EYS: variants seen among roughly 807,000 people sequenced by gnomAD.
EYS encodes protein eyes shut homolog.
A neutral mutation model predicts 282.1 loss-of-function variants in EYS; 250 were observed. That is an observed-to-expected ratio of 0.89 (90% CI 0.80 to 0.98). The LOEUF (loss-of-function observed/expected upper bound fraction) is 0.98, where lower values mean the gene tolerates loss of function less well. Among genes scored for constraint, EYS ranks in the 50% least tolerant of loss-of-function variants. The probability of loss-of-function intolerance (pLI) is 0.00; values close to 1 mark genes in which losing one functional copy is unlikely to be tolerated. For synonymous variants in EYS, 1,355 were observed against 1,282.9 expected (o/e 1.06, Z -1.20); for missense variants, 4,016 against 3,709.0 (o/e 1.08, Z -2.15).
intron 29 of EYS, among the ~76,000 whole-genome samples, chr6:64,324,155 C>T (rs1053404149): frequency 1.3e-5 from 2 of 152,058 alleles, no homozygotes; most frequent in Admixed American, 6.6e-5. Flanking sequence ...AGCCTAATAC[C>T]AAAATCTGGC....
chr6:65,042,634 G>T (rs1583427654), intron 13 of EYS, among the ~76,000 whole-genome samples: 2 of 151,114 alleles, frequency 1.3e-5, no homozygotes, highest in East Asian at 3.9e-4. Flanking sequence ...TGTCATATTT[G>T]TTATGTTTAT....
At chr6:65,026,177 A>G (rs1251680596) in intron 13 of EYS, among the ~76,000 whole-genome samples, 1 of 152,154 alleles carries the variant, frequency 6.6e-6, no homozygotes, top group East Asian at 1.9e-4. Context: ...CTAATATGAC[A>G]TGGTTTATAT....
chr6:65,214,673 T>C (rs1766267440), intron 12 of EYS, among the ~76,000 whole-genome samples: 1 of 152,178 alleles, frequency 6.6e-6, no homozygotes, highest in African/African-American at 2.4e-5. Context: ...AAGCCTTATA[T>C]TGGAAAAAGA....
intron 40 of EYS, among the ~76,000 whole-genome samples, chr6:63,769,983 C>A (rs1262113624): frequency 2.0e-5 from 3 of 151,946 alleles, no homozygotes; most frequent in Non-Finnish European, 4.4e-5. Context: ...CATTGTACTT[C>A]GTTACCAAGG....
At chr6:64,388,874 T>C in intron 28 of EYS, 34 bp from the exon 29 acceptor site, 2 of 1,363,064 alleles carry the variant, frequency 1.5e-6, no homozygotes, top group Non-Finnish European at 2.0e-6. Context: ...GGTTTTAGTA[T>C]AAGTCATATA....
chr6:64,203,465 A>C (rs1765524442), intron 31 of EYS, among the ~76,000 whole-genome samples: 1 of 152,144 alleles, frequency 6.6e-6, no homozygotes, highest in Non-Finnish European at 1.5e-5. Context: ...AGGTCAAGGG[A>C]AGCTTTTGTT....
chr6:65,570,622 T>G (rs2127352111), intron 2 of EYS, among the ~76,000 whole-genome samples: 1 of 152,280 alleles, frequency 6.6e-6, no homozygotes, highest in Non-Finnish European at 1.5e-5. Flanking sequence ...TAGGTTCCAC[T>G]AAGTGAATCT....
chr6:65,336,010 T>C (rs1052170855), intron 10 of EYS, among the ~76,000 whole-genome samples: 19 of 151,636 alleles, frequency 1.3e-4, no homozygotes, highest in African/African-American at 2.2e-4. Context: ...ACCTCTCCCT[T>C]TACTCTCTCT....
chr6:65,533,979 T>C (rs1767877616), intron 2 of EYS, among the ~76,000 whole-genome samples: 1 of 152,134 alleles, frequency 6.6e-6, no homozygotes, highest in Admixed American at 6.6e-5. Flanking sequence ...CCTAATTTTT[T>C]TTTTTGTCTT....
At chr6:65,347,482 GTC>G (rs1467220385) in intron 9 of EYS, among the ~76,000 whole-genome samples, 1 of 151,146 alleles carries the variant, frequency 6.6e-6, no homozygotes, top group African/African-American at 2.4e-5. Context: ...ATTTTTACTT[GTC>G]TTGTAGTGAA....
chr6:65,096,084 C>A (rs1369440265), intron 12 of EYS, among the ~76,000 whole-genome samples: 1 of 150,808 alleles, frequency 6.6e-6, no homozygotes, highest in South Asian at 2.1e-4. Flanking sequence ...AAATGATAAA[C>A]AAATTTGGTA....
At chr6:64,389,991 C>T (rs534246172) in intron 28 of EYS, among the ~76,000 whole-genome samples, 7 of 149,738 alleles carry the variant, frequency 4.7e-5, no homozygotes, top group East Asian at 2.0e-4. Context: ...GTTCCCTTTC[C>T]GAGTCAAAGA....
chr6:65,601,492 T>A (rs1462634161), intron 2 of EYS, among the ~76,000 whole-genome samples: 3 of 151,856 alleles, frequency 2.0e-5, no homozygotes, highest in Non-Finnish European at 4.4e-5. Flanking sequence ...CTTGCAGTGA[T>A]TTTTGTGAAT....
intron 7 of EYS, among the ~76,000 whole-genome samples, chr6:65,390,768 C>T (rs772591491): frequency 1.2e-4 from 18 of 151,742 alleles, no homozygotes; most frequent in East Asian, 1.9e-4. Context: ...CCCAGCTACT[C>T]GGTTACTTGG....
At chr6:64,625,659 T>G (rs568329227) in intron 23 of EYS, among the ~76,000 whole-genome samples, 1 of 152,336 alleles carries the variant, frequency 6.6e-6, no homozygotes, top group South Asian at 2.1e-4. Flanking sequence ...ACACATGAAT[T>G]TCAGGGAGAC....
rs190888776 is a variant in EYS, at chr6:65,500,797, G to T, written c.-332-4804C>A. Among the ~76,000 whole-genome samples, 7 of 151,720 alleles carry T rather than the reference G, an allele frequency of 4.6e-5. 1 individual carries two copies. The highest frequency in any genetic ancestry group is 1.3e-4 in the Admixed American group (2 of 15,170). On this transcript the variant is annotated intron_variant, in intron 2 of 42. Transcript: ENST00000503581. Reference sequence around the variant, plus strand: ...TTATATAATCCTAAAGTAAATAAACGGTCAGGAATGAAGTGATTGTAGGGA... The same window carrying T: ...TTATATAATCCTAAAGTAAATAAACTGTCAGGAATGAAGTGATTGTAGGGA...
At chr6:63,892,866 A>G (rs1377880159) in intron 35 of EYS, among the ~76,000 whole-genome samples, 1 of 152,218 alleles carries the variant, frequency 6.6e-6, no homozygotes, top group African/African-American at 2.4e-5. Context: ...TCCATAAGGA[A>G]CTTAAACAAA....
chr6:65,443,569 C>G, intron 5 of EYS, among the ~76,000 whole-genome samples: 1 of 151,540 alleles, frequency 6.6e-6, no homozygotes, highest in South Asian at 2.1e-4. Flanking sequence ...TGTATACACA[C>G]ATATGTGTAT....
At chr6:64,417,019 G>T (rs959490060) in intron 28 of EYS, among the ~76,000 whole-genome samples, 1 of 152,120 alleles carries the variant, frequency 6.6e-6, no homozygotes, top group African/African-American at 2.4e-5. Context: ...TCCAACTCAA[G>T]AACTCATTCT....
Sources: gnomAD v4.1 joint callset for allele counts (sites outside exome capture counted in the v4.1 genomes callset) on GRCh38, gnomAD v4.1.1 for gene constraint, MANE v1.5 for transcripts, NCBI Gene and HGNC (gene_info 2026-07-23, HGNC 2026-07-21) for gene names.